The following ATN1 variants were observed in gnomAD, a reference collection of about 807,000 sequenced individuals.
The protein encoded by ATN1 is atrophin-1.
A neutral mutation model predicts 85.8 loss-of-function variants in ATN1; 19 were observed. The observed-to-expected ratio is 0.22, with a 90% CI of 0.15 to 0.32. The LOEUF is 0.32. Among genes scored for constraint, ATN1 ranks in the 10% least tolerant of loss-of-function variants. The pLI is 1.00. For synonymous variants in ATN1, 674 were observed against 657.0 expected (o/e 1.03, Z -0.39); for missense variants, 1,453 against 1,564.5 (o/e 0.93, Z 1.20).
intron 1 of ATN1, among the ~76,000 whole-genome samples, chr12:6,929,377 C>T (rs1945435064): frequency 6.6e-6 from 1 of 152,130 alleles, no homozygotes; most frequent in South Asian, 2.1e-4. Context: ...CTTATTTTGA[C>T]TAGGGTAGGT....
chr12:6,931,568 G>A (rs1348555021), intron 1 of ATN1, among the ~76,000 whole-genome samples: 1 of 151,118 alleles, frequency 6.6e-6, no homozygotes. Flanking sequence ...ACAAAAATTA[G>A]CCAGGTGTGG....
chr12:6,938,122 T>TCTGCGCTGCGCTGCG, intron 6 of ATN1, 55 bp downstream of exon 6: 14 of 1,496,362 alleles, frequency 9.4e-6, no homozygotes, highest in Middle Eastern at 2.4e-4. Context: ...CTTCCTTCCC[T>TCTGCGCTGCGCTGCG]CTGCGCTGCG....
At position 6,937,198 on chromosome 12, in the gene ATN1, C is replaced by A. The variant is rs781978577; in HGVS notation, c.1931C>A (p.Pro644Gln). The A allele has an allele frequency of 1.9e-6, 3 of 1,611,382 alleles. No individual in the cohort carries two copies. The East Asian group carries it at 6.7e-5, about 36-fold the overall frequency. Residue 644 changes from proline (P) to glutamine (Q), a missense_variant, in exon 5 of 10, where the codon CCG becomes CAG. Physicochemically the swap from Pro to Gln is moderately conservative, Grantham distance 76. Around this residue, in one of 6 missense-constraint regions of ATN1, gnomAD observed 990 missense variants for 914.8 expected, o/e 1.08. Transcript: ENST00000396684. The surrounding 1 kb of genome is among the most constrained non-coding windows in gnomAD (Gnocchi z 6.0). Reference sequence around the variant, plus strand: ...CCCCCACCGTACGGAAAGAGAGCCCCGTCCCCGGGGGCCTACAAGACAGCC... The same window carrying A: ...CCCCCACCGTACGGAAAGAGAGCCCAGTCCCCGGGGGCCTACAAGACAGCC... The part of the protein sequence containing the change: ...PGPPPYGKRA[P>Q]SPGAYKTATP...
At chr12:6,930,712 C>T (rs781923453) in intron 1 of ATN1, among the ~76,000 whole-genome samples, 8 of 152,216 alleles carry the variant, frequency 5.3e-5, no homozygotes, top group African/African-American at 1.9e-4. Flanking sequence ...AGGAGAATGG[C>T]GTGAACCCGG....
chr12:6,925,134 G>GTGTC (rs1309479694), upstream of ATN1, among the ~76,000 whole-genome samples: 1 of 147,794 alleles, frequency 6.8e-6, no homozygotes, highest in Non-Finnish European at 1.5e-5. Context: ...GTGTGTGTGT[G>GTGTC]TGTGTGTGAG....
chr12:6,925,143 AGAGAG>A (rs1945387591), upstream of ATN1, among the ~76,000 whole-genome samples: 3 of 75,876 alleles, frequency 4.0e-5, no homozygotes, highest in African/African-American at 2.6e-4. Context: ...TGTGTGTGTG[AGAGAG>A]AGAGAGAGAG....
chr12:6,925,143 A>T (rs7966239), upstream of ATN1, among the ~76,000 whole-genome samples: 2,251 of 75,668 alleles, frequency 0.03, 47 homozygotes, highest in African/African-American at 0.16. Flanking sequence ...TGTGTGTGTG[A>T]GAGAGAGAGA....
chr12:6,929,217 A>G (rs1555142865), intron 1 of ATN1, among the ~76,000 whole-genome samples: 2 of 152,054 alleles, frequency 1.3e-5, no homozygotes, highest in African/African-American at 4.8e-5. Context: ...GAAATGGAGA[A>G]TTGAGCAACC....
In ATN1 at chr12:6,936,739, AGCAG is replaced by A. The variant is rs782616220; in HGVS notation, c.1473_1476del (p.Gln491HisfsTer48). On this transcript the variant is annotated frameshift_variant, in exon 5 of 10. Coordinates refer to ENST00000396684, the MANE Select transcript of ATN1 (RefSeq NM_001940.4). LOFTEE classifies it high-confidence loss of function. ...CACCAGCAACAGCAACAGCAGCAGC[AGCAG>A]CAGCAGCAGCAGCAGCAGCAGCAGC... 21 of 894,462 alleles carry A rather than the reference AGCAG, an allele frequency of 2.3e-5. No individual in the cohort carries two copies. In the African/African-American group the frequency reaches 4.0e-4, roughly 17 times the overall value. The allele number at this position is 894,462 out of a possible 1,614,324, so 55.4% of individuals were successfully genotyped here.
At position 6,936,037 on chromosome 12, in the gene ATN1, C is replaced by A; in HGVS notation, c.770C>A (p.Thr257Asn). 6.3e-7 allele frequency: 1 copy of A among 1,577,988 alleles called. No homozygotes were observed. Among genetic ancestry groups the A allele is most frequent in the Admixed American group, 1.8e-5 (1 of 54,968 alleles). ...PNGGKQHPPP[T>N]TPISVSSSGA... ...GGGGGTAAGCAGCACCCCCCACCCA[C>A]TACTCCCATTTCAGTATCAAGCTCT... Residue 257 changes from threonine (T) to asparagine (N), a missense_variant, in exon 5 of 10, where the codon ACT becomes AAT. Thr to Asn is a moderately conservative substitution (Grantham distance 65, BLOSUM62 0). Transcript: ENST00000396684.
chr12:6,925,865 C>T (rs1450393344), upstream of ATN1, among the ~76,000 whole-genome samples: 4 of 152,238 alleles, frequency 2.6e-5, no homozygotes, highest in Admixed American at 1.3e-4. Flanking sequence ...CACAAGTACC[C>T]GACCCCCACC....
chr12:6,938,504 T>C lies in ATN1; in HGVS notation c.2541T>C (p.Ala847=), dbSNP rs782372961. ...AGAAGTTGGCTCAGGAGGGCCGTGCTCCGGTGGAATGCCCATCTCTGGGCC... is the reference window on the plus strand; with the variant it reads ...AGAAGTTGGCTCAGGAGGGCCGTGCCCCGGTGGAATGCCCATCTCTGGGCC... The part of the protein sequence containing the change: ...RSVKLAQEGR[A]PVECPSLGPV... The change falls in exon 7 of 10, where the codon GCT becomes GCC. Residue 847 remains alanine (A), a synonymous_variant. Coordinates refer to ENST00000396684, the MANE Select transcript of ATN1 (RefSeq NM_001940.4). The C allele has an allele frequency of 6.2e-7, 1 of 1,609,988 alleles. No individual in the cohort carries two copies.
chr12:6,935,560 G>A lies in ATN1; in HGVS notation c.293G>A (p.Arg98Gln), dbSNP rs372999568. Residue 98 changes from arginine (R) to glutamine (Q), a missense_variant, in exon 5 of 10, where the codon CGG becomes CAG. By Grantham distance (43) the Arg-to-Gln change is conservative (BLOSUM62 1). Around this residue, in one of 6 missense-constraint regions of ATN1, gnomAD observed 130 missense variants for 158.2 expected, o/e 0.82. Coordinates refer to ENST00000396684, the MANE Select transcript of ATN1 (RefSeq NM_001940.4). The surrounding 1 kb of genome is among the most constrained non-coding windows in gnomAD (Gnocchi z 5.3). ...KKTKTEQELP[R>Q]PQSPSDLDSL... ...CCTTTTCTACAGCAGGAACTCCCTC[G>A]GCCACAGTCTCCCTCCGATCTGGAT... The A allele has an allele frequency of 1.7e-5, 28 of 1,609,604 alleles. No homozygotes were observed. Among genetic ancestry groups the A allele is most frequent in the Admixed American group, 6.7e-5 (4 of 59,858 alleles).
Position 6,940,909 on chromosome 12 carries a change from C to T in ATN1, c.3244C>T (p.Pro1082Ser). 3 of 1,614,182 alleles carry T rather than the reference C, an allele frequency of 1.9e-6. No individual in the cohort carries two copies. The highest frequency in any genetic ancestry group is 2.5e-6 in the Non-Finnish European group (3 of 1,180,038). ...ASASVHPLID[P>S]LASGSHLTRI... ...TGCCTCGGTGCACCCTCTCATTGAC[C>T]CCCTGGCCTCAGGGTCTCACCTTAC... The change falls in exon 8 of 10, where the codon CCC (proline) becomes TCC (serine). Residue 1082 changes from proline (P) to serine (S), a missense_variant. This residue lies in a region of ATN1 where 118 missense variants were observed against 163.7 expected (regional missense o/e 0.72). Transcript: ENST00000396684.
chr12:6,934,643 C>A lies in ATN1; in HGVS notation c.279+65C>A. On this transcript the variant is annotated intron_variant, in intron 4 of 9. Coordinates refer to ENST00000396684, the MANE Select transcript of ATN1 (RefSeq NM_001940.4). This position sits in a 1 kb window ranked among gnomAD's most constrained non-coding sequence, Gnocchi z 4.5. ...CATTCTTTTCTCAGACTTGCTTATG[C>A]TCACTATTCTTAGCTGGATCTCTCC... is the stretch of plus-strand genomic sequence containing the variant. The A allele has an allele frequency of 8.4e-7, 1 of 1,193,362 alleles. No homozygotes were observed. Among genetic ancestry groups the A allele is most frequent in the Non-Finnish European group, 1.2e-6 (1 of 822,332 alleles). The allele number at this position is 1,193,362 out of a possible 1,614,324, so 73.9% of individuals were successfully genotyped here.
rs1399017581 is a variant in ATN1 at position 6,927,995 on chromosome 12, G to C, written c.-552G>C. On this transcript the variant is annotated 5_prime_UTR_variant, in exon 1 of 10. Transcript: ENST00000396684. ...CCGAGGGGCCCGGGATCGCGCGGGT[G>C]CGGGCTGCGCTAGGCGGGCGCGGGC... Among the ~76,000 whole-genome samples the C allele has an allele frequency of 1.4e-5, 2 of 146,294 alleles. No individual in the cohort carries two copies. The highest frequency in any genetic ancestry group is 3.0e-5 in the Non-Finnish European group (2 of 65,920).
Position 6,937,236 on chromosome 12 carries a change from T to C in ATN1, c.1969T>C (p.Tyr657His). 3 of 1,611,766 alleles carry C rather than the reference T, an allele frequency of 1.9e-6. No homozygotes were observed. The highest frequency in any genetic ancestry group is 2.5e-6 in the Non-Finnish European group (3 of 1,179,660). The change falls in exon 5 of 10, where the codon TAC (tyrosine) becomes CAC (histidine). Residue 657 changes from tyrosine to histidine, a missense_variant. Tyr to His is a moderately conservative substitution (Grantham distance 83). Around this residue, in one of 6 missense-constraint regions of ATN1, gnomAD observed 990 missense variants for 914.8 expected, o/e 1.08. Coordinates refer to ENST00000396684, the MANE Select transcript of ATN1 (RefSeq NM_001940.4). This position sits in a 1 kb window ranked among gnomAD's most constrained non-coding sequence, Gnocchi z 6.0. ...GAYKTATPPG[Y>H]KPGSPPSFRT... ...CTACAAGACAGCCACCCCACCCGGA[T>C]ACAAACCCGGGTCGCCTCCCTCCTT...
Position 6,937,571 on chromosome 12 carries a change from CAGGTGGGGCGG to C in ATN1, c.2294+18_2294+28del, listed in dbSNP as rs1555144031. The C allele has an allele frequency of 3.4e-6, 5 of 1,486,556 alleles. No individual in the cohort carries two copies. Among genetic ancestry groups the C allele is most frequent in the Admixed American group, 5.1e-5 (2 of 39,472 alleles). 92.1% of individuals were successfully genotyped at this position (1,486,556 alleles called of 1,614,324 possible). A position where few individuals can be genotyped will look rare whatever the true frequency, so the allele number is the denominator to read the frequency against. On this transcript the variant is annotated intron_variant, in intron 5 of 9. Transcript: ENST00000396684. The surrounding 1 kb of genome is among the most constrained non-coding windows in gnomAD (Gnocchi z 6.0). ...CCAGTCAGTCTGCCAGGTGAGCGGC[CAGGTGGGGCGG>C]AGGTGGGCCTGGAAAGGGGACGACG...
intron 1 of ATN1, among the ~76,000 whole-genome samples, chr12:6,929,878 T>C (rs906917154): frequency 1.4e-4 from 21 of 152,232 alleles, no homozygotes; most frequent in Admixed American, 6.5e-5. Flanking sequence ...TTTCTTTCAT[T>C]TTCTAAAACT....
Sources: gnomAD v4.1 joint callset for allele counts (sites outside exome capture counted in the v4.1 genomes callset) on GRCh38, gnomAD v4.1.1 for gene constraint, gnomAD v4.1.1 regional missense constraint, Gnocchi (gnomAD v3.1) non-coding constraint, MANE v1.5 for transcripts, NCBI Gene and HGNC (gene_info 2026-07-23, HGNC 2026-07-21) for gene names.